The following CADM2 variants were observed in gnomAD, a reference collection of about 807,000 sequenced individuals.
CADM2 encodes the protein cell adhesion molecule 2, also known as immunoglobulin superfamily member 4D.
A neutral mutation model predicts 49.8 loss-of-function variants in CADM2; 12 were observed. The ratio of observed to expected loss-of-function variants is 0.24; its 90% CI spans 0.15 to 0.39. The LOEUF (loss-of-function observed/expected upper bound fraction) is 0.39. CADM2 is among the 10% of genes least tolerant of loss of function. CADM2 has a pLI of 1.00. For missense variants in CADM2, 378 were observed against 492.3 expected (o/e 0.77, Z 2.20); for synonymous variants, 214 against 175.4 (o/e 1.22, Z -1.74).
At chr3:85,531,178 A>T (rs4856584) in intron 1 of CADM2, among the ~76,000 whole-genome samples, 92,764 of 151,912 alleles carry the variant, frequency 0.61, 29,376 homozygotes, top group East Asian at 0.93. Context: ...TTTTGTCAGA[A>T]TCATTATTAT....
intron 4 of CADM2, among the ~76,000 whole-genome samples, chr3:85,885,761 A>T (rs1713540823): frequency 6.7e-6 from 1 of 149,578 alleles, no homozygotes; most frequent in Non-Finnish European, 1.5e-5. Flanking sequence ...CTGAAGCAGG[A>T]GAATCACTTG....
chr3:85,993,581 T>C (rs1201840659), intron 8 of CADM2: 1 of 152,184 alleles, frequency 6.6e-6, no homozygotes, highest in African/African-American at 2.4e-5. Context: ...ATCAGAAGAA[T>C]CACTGTCTTG....
intron 8 of CADM2, among the ~76,000 whole-genome samples, chr3:86,023,080 CT>C (rs1303450890): frequency 6.6e-6 from 1 of 152,154 alleles, no homozygotes; most frequent in African/African-American, 2.4e-5. Flanking sequence ...CCCAGTCCCC[CT>C]TTTCCCAGTT....
chr3:85,114,767 A>G (rs1198708439), intron 1 of CADM2, among the ~76,000 whole-genome samples: 1 of 152,212 alleles, frequency 6.6e-6, no homozygotes, highest in Non-Finnish European at 1.5e-5. Flanking sequence ...GATATGTGAA[A>G]TCAGGATAAT....
intron 8 of CADM2, among the ~76,000 whole-genome samples, chr3:86,049,485 A>T (rs1306659682): frequency 6.6e-6 from 1 of 151,952 alleles, no homozygotes; most frequent in African/African-American, 2.4e-5. Context: ...CATGTTAGCC[A>T]GGATGGTCTT....
In CADM2 at chr3:84,959,497, G is replaced by A. The variant is rs1488330886; in HGVS notation, c.-111G>A. The stretch of plus-strand genomic sequence containing the variant: ...AACACCGCAGCGGTGGGGACGGTGG[G>A]TCCGGCGGGCGCCGGGAGGAGGACA... On this transcript the variant is annotated 5_prime_UTR_variant, in exon 1 of 10. Coordinates refer to ENST00000383699, the MANE Select transcript of CADM2 (RefSeq NM_001167675.2). 9.3e-7 allele frequency: 1 copy of A among 1,070,670 alleles called. No homozygotes were observed. The highest frequency in any genetic ancestry group is 1.6e-5 in the African/African-American group (1 of 63,458). 66.3% of individuals were successfully genotyped at this position (1,070,670 alleles called of 1,614,324 possible).
intron 3 of CADM2, among the ~76,000 whole-genome samples, chr3:85,814,108 T>C (rs1003254721): frequency 5.3e-5 from 8 of 152,162 alleles, no homozygotes; most frequent in African/African-American, 1.7e-4. Context: ...GGGGATAGCA[T>C]TGAATCTATA....
intron 2 of CADM2, among the ~76,000 whole-genome samples, chr3:85,728,705 G>A (rs993999260): frequency 2.0e-5 from 3 of 152,084 alleles, no homozygotes; most frequent in Admixed American, 2.0e-4. Context: ...ATGGAATCAC[G>A]CAAATGTGGA....
chr3:85,031,600 C>G (rs1028060305), intron 1 of CADM2, among the ~76,000 whole-genome samples: 1 of 152,042 alleles, frequency 6.6e-6, no homozygotes, highest in African/African-American at 2.4e-5. Flanking sequence ...CTGCAAGCTC[C>G]GCCTCCCGGG....
chr3:85,693,820 C>T (rs1377055574), intron 1 of CADM2, among the ~76,000 whole-genome samples: 6 of 147,086 alleles, frequency 4.1e-5, no homozygotes, highest in South Asian at 4.3e-4. Flanking sequence ...CACTTGAACC[C>T]GGGAGGCAGA....
At chr3:85,596,227 A>G (rs2063235885) in intron 1 of CADM2, among the ~76,000 whole-genome samples, 1 of 151,810 alleles carries the variant, frequency 6.6e-6, no homozygotes, top group Admixed American at 6.6e-5. Flanking sequence ...CATTTGAGGT[A>G]TCTTATGAAT....
intron 1 of CADM2, among the ~76,000 whole-genome samples, chr3:85,095,365 C>G (rs1405499396): frequency 3.9e-5 from 6 of 152,098 alleles, no homozygotes; most frequent in Admixed American, 1.3e-4. Flanking sequence ...TAGGCAGTCA[C>G]AATTCTAGGC....
intron 6 of CADM2, among the ~76,000 whole-genome samples, chr3:85,918,361 G>A (rs573294952): frequency 5.9e-5 from 9 of 152,276 alleles, no homozygotes; most frequent in Admixed American, 1.3e-4. Context: ...TTTTTAACAT[G>A]AAAGGTTGTT....
intron 3 of CADM2, among the ~76,000 whole-genome samples, chr3:85,822,225 A>G (rs749861447): frequency 7.2e-5 from 11 of 152,194 alleles, no homozygotes; most frequent in Non-Finnish European, 1.5e-4. Flanking sequence ...TTAGAGAAAT[A>G]CATTGGCAGT....
chr3:85,026,867 C>A (rs2107310591), intron 1 of CADM2, among the ~76,000 whole-genome samples: 1 of 151,960 alleles, frequency 6.6e-6, no homozygotes, highest in Admixed American at 6.5e-5. Context: ...AGATACTTTA[C>A]TGTTTTTTAA....
chr3:85,797,337 A>G (rs768166247), intron 2 of CADM2, among the ~76,000 whole-genome samples: 4 of 152,016 alleles, frequency 2.6e-5, no homozygotes, highest in Non-Finnish European at 5.9e-5. Context: ...TACATGTGCC[A>G]TGGTGGTTTG....
intron 1 of CADM2, among the ~76,000 whole-genome samples, chr3:85,377,799 A>G (rs1190497074): frequency 6.6e-6 from 1 of 152,082 alleles, no homozygotes; most frequent in East Asian, 1.9e-4. Flanking sequence ...GCACACTTGA[A>G]TGACACTAGT....
chr3:85,320,501 C>T (rs1271705566), intron 1 of CADM2, among the ~76,000 whole-genome samples: 1 of 152,148 alleles, frequency 6.6e-6, no homozygotes, highest in African/African-American at 2.4e-5. Context: ...ATTTCTGTAG[C>T]TGCCGGTGGT....
At chr3:85,384,722 T>TAA (rs761214584) in intron 1 of CADM2, among the ~76,000 whole-genome samples, 12 of 151,846 alleles carry the variant, frequency 7.9e-5, no homozygotes, top group Non-Finnish European at 1.6e-4. Context: ...TATATATATA[T>TAA]AACAATTATA....
Sources: allele counts gnomAD v4.1 joint callset (sites outside exome capture counted in the v4.1 genomes callset), GRCh38; gene constraint gnomAD v4.1.1; transcripts MANE v1.5; gene names NCBI Gene and HGNC (gene_info 2026-07-23, HGNC 2026-07-21).